Variants in CCDC17 observed in about 807,000 individuals in gnomAD.
CCDC17 encodes the protein coiled-coil domain-containing protein 17.
A neutral mutation model predicts 68.0 loss-of-function variants in CCDC17; 79 were observed. The ratio of observed to expected loss-of-function variants is 1.16; its 90% confidence interval spans 0.97 to 1.40. CCDC17 has a LOEUF of 1.40. Ranked by LOEUF, CCDC17 falls within the 40% of genes most tolerant of loss-of-function variation. The pLI, the probability that CCDC17 is intolerant of heterozygous loss-of-function variation, is 0.00. For synonymous variants in CCDC17, 376 were observed against 337.5 expected, an observed-to-expected ratio of 1.11 and a Z score of -1.25; for missense variants, 846 against 811.5, an observed-to-expected ratio of 1.04 and a Z score of -0.52.
chr1:45,622,165 C>G (rs747725788), intron 7 of CCDC17, 76 bp downstream of exon 7: 806 of 1,402,376 alleles, frequency 5.7e-4, no homozygotes, highest in Non-Finnish European at 7.1e-4. Flanking sequence ...GTCTTGTTCC[C>G]CATGCACTGT....
At position 45,620,281 on chromosome 1, in the gene CCDC17, A is replaced by G. The variant is rs1451107799; in HGVS notation, c.1863T>C (p.Ser621=). Residue 621 remains serine (S), a synonymous_variant, in exon 13 of 13, where the codon AGT becomes AGC. Transcript: ENST00000528266. ...TCTCCACATTCACTTGGGTTCAGAA[A>G]CTCACTGGGGGCAAGTCAGAACTGT... ...PHHSSDLPPV[S]F 9 of 1,608,892 alleles carry G rather than the reference A, an allele frequency of 5.6e-6. No homozygotes were observed. The highest frequency in any genetic ancestry group is 6.8e-6 in the Non-Finnish European group (8 of 1,178,518).
At position 45,623,581 on chromosome 1, in the gene CCDC17, A is replaced by G. The variant is rs1295332602; in HGVS notation, c.246T>C (p.Ser82=). 6.4e-7 allele frequency: 1 copy of G among 1,550,424 alleles called. No individual in the cohort carries two copies. Among genetic ancestry groups the G allele is most frequent in the Admixed American group, 2.0e-5 (1 of 51,002 alleles). The change falls in exon 2 of 13, where the codon TCT becomes TCC. Residue 82 remains serine (S), a synonymous_variant. Transcript: ENST00000528266. ...CCTCCTCTGTTAACCTCTTTAGAGC[A>G]GATCTACTGGCCTGCTGGTCTGGGA... is the stretch of plus-strand genomic sequence containing the variant. ...QGLPDQQASR[S]ALKRLTEEVQ...
Position 45,621,832 on chromosome 1 carries a change from C to T in CCDC17, c.1086+45G>A, listed in dbSNP as rs765232071. 5.6e-6 allele frequency: 9 copies of T among 1,593,014 alleles called. No homozygotes were observed. The Admixed American group carries it at 1.4e-4, about 25-fold the overall frequency. ...AGCTGCCTCCAACCTGTTCCCCCAA[C>T]CCACCCCGTGTCCTCACAGCCTTTG... is the stretch of plus-strand genomic sequence containing the variant. On this transcript the variant is annotated intron_variant, in intron 8 of 12. Coordinates refer to ENST00000528266, the MANE Select transcript of CCDC17 (RefSeq NM_001114938.3).
intron 10 of CCDC17, 24 bp downstream of exon 10, chr1:45,621,257 G>A (rs750724528): frequency 1.3e-6 from 2 of 1,556,686 alleles, no homozygotes; most frequent in South Asian, 2.4e-5. Context: ...CAGAGTACCA[G>A]AGTCATGATC....
Position 45,623,721 on chromosome 1 carries a change from C to T in CCDC17, c.174+15G>A, listed in dbSNP as rs775170913. 3.2e-6 allele frequency: 5 copies of T among 1,551,240 alleles called. No individual in the cohort carries two copies. The South Asian group carries it at 4.8e-5, about 15-fold the overall frequency. The stretch of plus-strand genomic sequence containing the variant: ...GCTCCTTTGAATCCCCACCCATGGC[C>T]ATGGAGGCCCTTACCGCGGCCCGCT... On this transcript the variant is annotated intron_variant, in intron 1 of 12. Transcript: ENST00000528266.
chr1:45,621,970 C>A lies in CCDC17; in HGVS notation c.993G>T (p.Gly331=). The A allele has an allele frequency of 5.0e-6, 8 of 1,609,444 alleles. No homozygotes were observed. The highest frequency in any genetic ancestry group is 6.8e-6 in the Non-Finnish European group (8 of 1,178,404). The change falls in exon 8 of 13, where the codon GGG becomes GGT. Residue 331 remains glycine, a synonymous_variant. Coordinates refer to ENST00000528266, the MANE Select transcript of CCDC17 (RefSeq NM_001114938.3). ...PLGPQDLRLL[G]DASLQPKGRR... is the part of the protein sequence containing the mutation. ...TCCCCTTCGGTTGTAGGCTGGCATCCCCCAGGAGTCGCAGATCCTGGGGCC... is the reference window on the plus strand; with the variant it reads ...TCCCCTTCGGTTGTAGGCTGGCATCACCCAGGAGTCGCAGATCCTGGGGCC...
In CCDC17 at chr1:45,621,520, C is replaced by T. The variant is rs1273505876; in HGVS notation, c.1185-36G>A. ...CAAGTCTTAGCACAGAAATACCCAA[C>T]TCCTTTCAACCTCCCTCCTCTCAGG... On this transcript the variant is annotated intron_variant, in intron 9 of 12. Coordinates refer to ENST00000528266, the MANE Select transcript of CCDC17 (RefSeq NM_001114938.3). The T allele has an allele frequency of 3.2e-6, 5 of 1,572,478 alleles. No individual in the cohort carries two copies. In the South Asian group the frequency reaches 3.5e-5, roughly 11 times the overall value.
rs1348882108 is a variant in CCDC17, at chr1:45,622,530, G to A, written c.859+19C>T. The A allele has an allele frequency of 2.6e-6, 4 of 1,549,018 alleles. No individual in the cohort carries two copies. Among genetic ancestry groups the A allele is most frequent in the African/African-American group, 1.4e-5 (1 of 73,012 alleles). On this transcript the variant is annotated intron_variant, in intron 6 of 12. Transcript: ENST00000528266. ...CCTCCCAGGACTGACCACCGCTGGC[G>A]AGAGGCCCTCCTGTTCACCTCTGCG...
In CCDC17 at chr1:45,621,459, A is replaced by AATC. The variant is rs1392715372; in HGVS notation, c.1207_1209dup (p.Asp403dup). Reference sequence around the variant, plus strand: ...CAGGAAGCCTCAAGGCCCCGCAGGAAATCATAGAAAATGACCAGGCCAGCC... The same window carrying AATC: ...CAGGAAGCCTCAAGGCCCCGCAGGAAATCATCATAGAAAATGACCAGGCCAGCC... On this transcript the variant is annotated inframe_insertion, in exon 10 of 13. Coordinates refer to ENST00000528266, the MANE Select transcript of CCDC17 (RefSeq NM_001114938.3). 2 of 1,590,950 alleles carry AATC rather than the reference A, an allele frequency of 1.3e-6. No individual in the cohort carries two copies. Among genetic ancestry groups the AATC allele is most frequent in the African/African-American group, 2.7e-5 (2 of 74,270 alleles).
Position 45,621,953 on chromosome 1 carries a change from G to A in CCDC17, c.1010C>T (p.Pro337Leu), listed in dbSNP as rs748498964. Residue 337 changes from proline (P) to leucine (L), a missense_variant, in exon 8 of 13, where the codon CCG (proline) becomes CTG (leucine). Physicochemically the swap from Pro to Leu is moderately conservative, Grantham distance 98. Coordinates refer to ENST00000528266, the MANE Select transcript of CCDC17 (RefSeq NM_001114938.3). ...GAGTGGGGGATCTCTCCTCCCCTTC[G>A]GTTGTAGGCTGGCATCCCCCAGGAG... Reference protein sequence around the residue: ...LRLLGDASLQPKGRRDPPLLP... With the variant: ...LRLLGDASLQLKGRRDPPLLP... 11 of 1,610,840 alleles carry A rather than the reference G, an allele frequency of 6.8e-6. No homozygotes were observed. The highest frequency in any genetic ancestry group is 5.0e-5 in the Admixed American group (3 of 59,532).
Position 45,620,962 on chromosome 1 carries a change from G to A in CCDC17, c.1540C>T (p.Leu514Phe), listed in dbSNP as rs904657119. 3 of 1,613,776 alleles carry A rather than the reference G, an allele frequency of 1.9e-6. No individual in the cohort carries two copies. The highest frequency in any genetic ancestry group is 2.5e-6 in the Non-Finnish European group (3 of 1,179,854). ...RVLSGRWRLP[L>F]RALPLDPSLS... ...CTGGGGTCCAGAGGAAGGGCCCGAAGTGGGAGGCGCCAGCGGCCACTTAGC... is the reference window on the plus strand; with the variant it reads ...CTGGGGTCCAGAGGAAGGGCCCGAAATGGGAGGCGCCAGCGGCCACTTAGC... The change falls in exon 11 of 13, where the codon CTT (leucine) becomes TTT (phenylalanine). Residue 514 changes from leucine (L) to phenylalanine (F), a missense_variant. Coordinates refer to ENST00000528266, the MANE Select transcript of CCDC17 (RefSeq NM_001114938.3).
At position 45,623,257 on chromosome 1, in the gene CCDC17, C is replaced by A. The variant is rs750896901; in HGVS notation, c.453G>T (p.Glu151Asp). Residue 151 changes from glutamate (E) to aspartate (D), a missense_variant, in exon 3 of 13, where the codon GAG becomes GAT. Glu to Asp is a conservative substitution (Grantham distance 45). Transcript: ENST00000528266. Reference protein sequence around the residue: ...LFRTRARRVAEMEAQSRALQL... With the variant: ...LFRTRARRVADMEAQSRALQL... Reference sequence around the variant, plus strand: ...GCAGGGCCCGGCTCTGCGCTTCCATCTCCGCCACGCGCCTCGCGCGAGTCC... The same window carrying A: ...GCAGGGCCCGGCTCTGCGCTTCCATATCCGCCACGCGCCTCGCGCGAGTCC... The A allele has an allele frequency of 1.3e-6, 2 of 1,545,964 alleles. No individual in the cohort carries two copies. Among genetic ancestry groups the A allele is most frequent in the South Asian group, 2.4e-5 (2 of 83,980 alleles).
chr1:45,621,792 A>G (rs1644268080), intron 8 of CCDC17, 57 bp from the exon 9 acceptor site: 1 of 1,604,314 alleles, frequency 6.2e-7, no homozygotes, highest in African/African-American at 1.3e-5. Context: ...ATGTTCCCCC[A>G]ACTGCTCAGA....
In CCDC17 at chr1:45,622,319, G is replaced by T. The variant is rs768490262; in HGVS notation, c.889C>A (p.Pro297Thr). The T allele has an allele frequency of 1.2e-6, 2 of 1,610,754 alleles. No homozygotes were observed. Among genetic ancestry groups the T allele is most frequent in the South Asian group, 1.1e-5 (1 of 90,726 alleles). ...CGCCGGTTTTCAGCCTCCACTACTGGAAGCTCCCCTGAGGTGGCACCTGCC... is the reference window on the plus strand; with the variant it reads ...CGCCGGTTTTCAGCCTCCACTACTGTAAGCTCCCCTGAGGTGGCACCTGCC... Reference protein sequence around the residue: ...GRAGATSGELPVVEAENRRLE... With the variant: ...GRAGATSGELTVVEAENRRLE... Residue 297 changes from proline (P) to threonine (T), a missense_variant, in exon 7 of 13, where the codon CCA becomes ACA. Coordinates refer to ENST00000528266, the MANE Select transcript of CCDC17 (RefSeq NM_001114938.3).
At position 45,623,962 on chromosome 1, in the gene CCDC17, G is replaced by T; in HGVS notation, c.-53C>A. The T allele has an allele frequency of 2.4e-6, 3 of 1,271,288 alleles. No homozygotes were observed. Among genetic ancestry groups the T allele is most frequent in the Non-Finnish European group, 3.2e-6 (3 of 932,674 alleles). The allele number at this position is 1,271,288 out of a possible 1,614,324, so 78.8% of individuals were successfully genotyped here. A position where few individuals can be genotyped will look rare whatever the true frequency, so the allele number is the denominator to read the frequency against. ...CCAAGACCTGCAGAAGGGATCAAGG[G>T]CAGGGGAAAGGCAGAGGAGGATGAA... On this transcript the variant is annotated 5_prime_UTR_variant, in exon 1 of 13. Coordinates refer to ENST00000528266, the MANE Select transcript of CCDC17 (RefSeq NM_001114938.3).
Position 45,623,084 on chromosome 1 carries a change from G to A in CCDC17, c.527C>T (p.Thr176Met). 1 of 1,595,248 alleles carries A rather than the reference G, an allele frequency of 6.3e-7. No individual in the cohort carries two copies. The highest frequency in any genetic ancestry group is 8.5e-7 in the Non-Finnish European group (1 of 1,171,588). ...GAAGAGGCGGGACATCCCGCCCCGC[G>A]TACAGGCCACAACTTGGAGGCGTCG... ...LSRRLQVVAC[T>M]RGGMSRLFGL... is the part of the protein sequence containing the mutation. Residue 176 changes from threonine to methionine, a missense_variant, in exon 4 of 13, where the codon ACG becomes ATG. Physicochemically the swap from Thr to Met is moderately conservative, Grantham distance 81. Transcript: ENST00000528266.
Position 45,620,287 on chromosome 1 carries a change from TG to T in CCDC17, c.1856del (p.Pro619GlnfsTer2). ...CATTCACTTGGGTTCAGAAACTCAC[TG>T]GGGGCAAGTCAGAACTGTGGTGAGG... Reference protein sequence around the residue: ...LGPHHSSDLPPVSF With the variant: ...LGPHHSSDLPXVSF On this transcript the variant is annotated frameshift_variant, in exon 13 of 13. Coordinates refer to ENST00000528266, the MANE Select transcript of CCDC17 (RefSeq NM_001114938.3). LOFTEE classifies it high-confidence loss of function. 2 of 1,609,902 alleles carry T rather than the reference TG, an allele frequency of 1.2e-6. No individual in the cohort carries two copies. The highest frequency in any genetic ancestry group is 8.5e-7 in the Non-Finnish European group (1 of 1,178,718).
intron 7 of CCDC17, 32 bp downstream of exon 7, chr1:45,622,209 T>G: frequency 6.3e-7 from 1 of 1,581,636 alleles, no homozygotes; most frequent in Non-Finnish European, 8.6e-7. Flanking sequence ...GAGAGATAAG[T>G]GGGATGGGAT....
Position 45,622,289 on chromosome 1 carries a change from C to T in CCDC17, c.919G>A (p.Glu307Lys). ...ATTTGCAAGGCCAAGATTTCTGCCT[C>T]CAAGCGCCGGTTTTCAGCCTCCACT... is the stretch of plus-strand genomic sequence containing the variant. The part of the protein sequence containing the change: ...PVVEAENRRL[E>K]AEILALQMQR... Residue 307 changes from glutamate (E) to lysine (K), a missense_variant, in exon 7 of 13, where the codon GAG becomes AAG. Physicochemically the swap from Glu to Lys is moderately conservative, Grantham distance 56. Coordinates refer to ENST00000528266, the MANE Select transcript of CCDC17 (RefSeq NM_001114938.3). The T allele has an allele frequency of 2.5e-6, 4 of 1,612,504 alleles. No homozygotes were observed. Among genetic ancestry groups the T allele is most frequent in the Admixed American group, 3.4e-5 (2 of 59,452 alleles).
Sources: gnomAD v4.1 joint callset for allele counts on GRCh38, gnomAD v4.1.1 for gene constraint, MANE v1.5 for transcripts, NCBI Gene and HGNC (gene_info 2026-07-23, HGNC 2026-07-21) for gene names.